Variants in P2RY12 observed in about 807,000 individuals in gnomAD.
The protein encoded by P2RY12 is P2Y purinoceptor 12.
In P2RY12, 3 loss-of-function variants were observed where a neutral mutation model predicts 4.5. That is an observed-to-expected ratio of 0.67 (90% CI 0.31 to 1.74). P2RY12 has a LOEUF of 1.74. P2RY12 is among the 40% of genes most tolerant of loss of function. The pLI, the probability that P2RY12 is intolerant of heterozygous loss-of-function variation, is 0.09. For synonymous variants in P2RY12, 148 were observed against 154.1 expected (o/e 0.96, Z 0.29); for missense variants, 356 against 407.8 (o/e 0.87, Z 1.09).
intron 1 of P2RY12, chr3:151,357,463 T>G: frequency 7.7e-6 from 9 of 1,171,918 alleles, no homozygotes; most frequent in Middle Eastern, 2.8e-4. Flanking sequence ...AAAAGAAAAA[T>G]AGTACTGATA....
chr3:151,355,830 G>T, intron 1 of P2RY12: 1 of 1,409,320 alleles, frequency 7.1e-7, no homozygotes, highest in South Asian at 1.4e-5. Context: ...AAGTAAAAAT[G>T]ATTTATCTTA....
At chr3:151,346,732 C>G (rs1752594265) in intron 1 of P2RY12, among the ~76,000 whole-genome samples, 1 of 152,070 alleles carries the variant, frequency 6.6e-6, no homozygotes, top group East Asian at 1.9e-4. Flanking sequence ...GCCCTTCTTC[C>G]CTAAACATAA....
intron 1 of P2RY12, chr3:151,384,015 A>G (rs1427504509): frequency 2.0e-6 from 3 of 1,534,010 alleles, no homozygotes; most frequent in Non-Finnish European, 2.7e-6. Flanking sequence ...GCCTTGAATA[A>G]AAATACTCAG....
At chr3:151,380,205 T>G in intron 1 of P2RY12, 1 of 1,604,176 alleles carries the variant, frequency 6.2e-7, no homozygotes, top group Non-Finnish European at 8.5e-7. Flanking sequence ...CTAACATCTC[T>G]CCAGAATCAA....
At chr3:151,354,001 C>A (rs532167259) in intron 1 of P2RY12, among the ~76,000 whole-genome samples, 60 of 115,154 alleles carry the variant, frequency 5.2e-4, no homozygotes, top group African/African-American at 2.4e-3. Flanking sequence ...ATTAGCCGGG[C>A]GTAGTGGCGG....
intron 1 of P2RY12, among the ~76,000 whole-genome samples, chr3:151,375,526 A>G (rs1756725433): frequency 6.6e-6 from 1 of 152,158 alleles, no homozygotes; most frequent in Non-Finnish European, 1.5e-5. Context: ...ATTATTGTAT[A>G]AAAAAGAGAT....
Position 151,338,829 on chromosome 3 carries a change from T to C in P2RY12, c.17A>G (p.Asn6Ser). The change falls in exon 3 of 3, where the codon AAC becomes AGC. Residue 6 changes from asparagine (N) to serine (S), a missense_variant. Coordinates refer to ENST00000302632, the MANE Select transcript of P2RY12 (RefSeq NM_022788.5). MQAVD[N>S]LTSAPGNTSL... ...GGTGTTACCAGGCGCAGAGGTGAGGTTGTCGACGGCTTGCATTTCTTGTTG... is the reference window on the plus strand; with the variant it reads ...GGTGTTACCAGGCGCAGAGGTGAGGCTGTCGACGGCTTGCATTTCTTGTTG... 1.2e-6 allele frequency: 2 copies of C among 1,613,552 alleles called. No individual in the cohort carries two copies. The highest frequency in any genetic ancestry group is 1.7e-6 in the Non-Finnish European group (2 of 1,179,674).
intron 1 of P2RY12, among the ~76,000 whole-genome samples, chr3:151,368,456 G>A (rs181404913): frequency 6.6e-6 from 1 of 152,044 alleles, no homozygotes; most frequent in African/African-American, 2.4e-5. Context: ...TGAGAAATAC[G>A]AATCAAGAGT....
intron 1 of P2RY12, among the ~76,000 whole-genome samples, chr3:151,376,538 G>C (rs1408975314): frequency 6.6e-6 from 1 of 152,170 alleles, no homozygotes; most frequent in African/African-American, 2.4e-5. Flanking sequence ...AATAGATTTT[G>C]AAAGGAGAAA....
At chr3:151,369,387 C>CA (rs762487178) in intron 1 of P2RY12, 8 of 1,292,774 alleles carry the variant, frequency 6.2e-6, no homozygotes, top group Non-Finnish European at 8.7e-6. Context: ...AATTACAAAA[C>CA]ATTACTAATG....
At chr3:151,341,573 T>TG (rs1751824664) in intron 1 of P2RY12, among the ~76,000 whole-genome samples, 5 of 151,308 alleles carry the variant, frequency 3.3e-5, no homozygotes, top group Admixed American at 3.3e-4. Flanking sequence ...TAACTTTTTT[T>TG]TTTTAATTTT....
chr3:151,368,769 T>C (rs1343369342), intron 1 of P2RY12, among the ~76,000 whole-genome samples: 5 of 143,774 alleles, frequency 3.5e-5, no homozygotes, highest in South Asian at 4.4e-4. Flanking sequence ...CATTTTTTTT[T>C]TTTTTTTTCC....
chr3:151,383,958 C>A, intron 1 of P2RY12: 1 of 1,482,056 alleles, frequency 6.7e-7, no homozygotes. Context: ...ATACTGATGG[C>A]GATTTCTGCC....
At position 151,364,894 on chromosome 3, in the gene P2RY12, C is replaced by T; in HGVS notation, c.-180+19798G>A. The T allele has an allele frequency of 3.2e-6, 3 of 933,304 alleles. No individual in the cohort carries two copies. In the East Asian group the frequency reaches 7.3e-5, roughly 23 times the overall value. The allele number at this position is 933,304 out of a possible 1,614,324, so 57.8% of individuals were successfully genotyped here. On this transcript the variant is annotated intron_variant, in intron 1 of 2. Coordinates refer to ENST00000302632, the MANE Select transcript of P2RY12 (RefSeq NM_022788.5). ...CTCTAGGAATGCATTACAGTTCCTG[C>T]CATTTAATATGTCCTTAAGTGAAAT... is the stretch of plus-strand genomic sequence containing the variant.
Position 151,338,708 on chromosome 3 carries a change from C to G in P2RY12, c.138G>C (p.Ala46=), listed in dbSNP as rs368849296. Residue 46 remains alanine, a synonymous_variant, in exon 3 of 3, where the codon GCG becomes GCC. Transcript: ENST00000302632. ...FFVGLITNGL[A]MRIFFQIRSK... ...TCCGGATTTGAAAGAAAATCCTCATCGCCAGGCCATTTGTGATAAGTCCAA... is the reference window on the plus strand; with the variant it reads ...TCCGGATTTGAAAGAAAATCCTCATGGCCAGGCCATTTGTGATAAGTCCAA... 2 of 1,613,348 alleles carry G rather than the reference C, an allele frequency of 1.2e-6. No individual in the cohort carries two copies. Among genetic ancestry groups the G allele is most frequent in the Non-Finnish European group, 1.7e-6 (2 of 1,179,788 alleles).
chr3:151,360,002 A>AT (rs1184966150), intron 1 of P2RY12, among the ~76,000 whole-genome samples: 1 of 152,176 alleles, frequency 6.6e-6, no homozygotes, highest in Non-Finnish European at 1.5e-5. Context: ...CATAAGGGGA[A>AT]TGTGACTCCA....
intron 1 of P2RY12, chr3:151,360,572 G>A (rs1248388408): frequency 6.2e-7 from 1 of 1,612,704 alleles, no homozygotes; most frequent in Admixed American, 1.7e-5. Context: ...GTGTCATGTA[G>A]CCACCTCAGA....
intron 1 of P2RY12, among the ~76,000 whole-genome samples, chr3:151,361,874 T>C (rs1035589510): frequency 6.6e-6 from 1 of 152,146 alleles, no homozygotes; most frequent in Non-Finnish European, 1.5e-5. Context: ...TAGCACTTGC[T>C]ACCCCCACAG....
intron 1 of P2RY12, chr3:151,367,878 T>C (rs1197041679): frequency 2.5e-6 from 3 of 1,213,268 alleles, no homozygotes. Flanking sequence ...TATTGGGAAG[T>C]GGTGTAGTAT....
Sources: allele counts gnomAD v4.1 joint callset (sites outside exome capture counted in the v4.1 genomes callset), GRCh38; gene constraint gnomAD v4.1.1; transcripts MANE v1.5; gene names NCBI Gene and HGNC (gene_info 2026-07-23, HGNC 2026-07-21).